PDE4D: variants seen among roughly 807,000 people sequenced by gnomAD.
PDE4D encodes phosphodiesterase 4D.
A neutral mutation model predicts 87.4 loss-of-function variants in PDE4D; 24 were observed. That is an observed-to-expected ratio of 0.27 (90% CI 0.20 to 0.39). The LOEUF (loss-of-function observed/expected upper bound fraction) is 0.39, where lower values mean the gene tolerates loss of function less well. Among genes scored for constraint, PDE4D ranks in the 10% least tolerant of loss-of-function variants. The probability of loss-of-function intolerance (pLI) is 1.00; values close to 1 mark genes in which losing one functional copy is unlikely to be tolerated. For missense variants in PDE4D, 714 were observed against 1,041.0 expected (o/e 0.69, Z 4.32); for synonymous variants, 384 against 383.2 (o/e 1.00, Z -0.02).
At chr5:59,141,641 T>C (rs1051570718) in intron 5 of PDE4D, among the ~76,000 whole-genome samples, 1 of 152,242 alleles carries the variant, frequency 6.6e-6, no homozygotes, top group Non-Finnish European at 1.5e-5. Context: ...ACATCTCTTC[T>C]GTCAAATGAA....
intron 1 of PDE4D, among the ~76,000 whole-genome samples, chr5:59,435,675 C>T (rs1796707949): frequency 1.3e-5 from 2 of 152,208 alleles, no homozygotes; most frequent in African/African-American, 4.8e-5. Flanking sequence ...CTTCTTTGAC[C>T]TTGTAATCCA....
chr5:59,389,853 G>A (rs1020022308), intron 1 of PDE4D, among the ~76,000 whole-genome samples: 2 of 152,118 alleles, frequency 1.3e-5, no homozygotes, highest in Non-Finnish European at 2.9e-5. Context: ...GCTGGGAAGA[G>A]AGAGGTGGGA....
At chr5:60,459,919 T>C (rs1301372231) in intron 1 of PDE4D, 2 of 698,258 alleles carry the variant, frequency 2.9e-6, no homozygotes, top group Admixed American at 2.1e-5. Context: ...TTCATCTTCA[T>C]TGTCTTCTTC....
At chr5:59,409,526 GTGAA>G (rs1792296654) in intron 1 of PDE4D, among the ~76,000 whole-genome samples, 1 of 152,126 alleles carries the variant, frequency 6.6e-6, no homozygotes, top group South Asian at 2.1e-4. Context: ...TGGTGAGTGA[GTGAA>G]TGAGCTCTCT....
chr5:59,876,327 A>G (rs1748603540), intron 1 of PDE4D, among the ~76,000 whole-genome samples: 1 of 152,176 alleles, frequency 6.6e-6, no homozygotes, highest in African/African-American at 2.4e-5. Context: ...GATGGTGATG[A>G]TGATGATGAC....
chr5:60,224,701 T>C (rs1268615157), intron 1 of PDE4D, among the ~76,000 whole-genome samples: 1 of 152,120 alleles, frequency 6.6e-6, no homozygotes, highest in African/African-American at 2.4e-5. Context: ...GCAAAACTTC[T>C]TGTTATCTAG....
At chr5:59,908,218 A>G (rs1479863558) in intron 3 of PDE4D, among the ~76,000 whole-genome samples, 2 of 151,044 alleles carry the variant, frequency 1.3e-5, no homozygotes, top group East Asian at 2.0e-4. Context: ...CCTCAAATGA[A>G]CTATGAAGGC....
At chr5:59,170,881 CTTTT>C (rs1260829199) in intron 5 of PDE4D, among the ~76,000 whole-genome samples, 2 of 138,546 alleles carry the variant, frequency 1.4e-5, no homozygotes, top group African/African-American at 2.6e-5. Flanking sequence ...TATACTTTCA[CTTTT>C]TTTTTTTTTT....
chr5:58,993,328 A>G lies in PDE4D; in HGVS notation c.1015+44T>C, dbSNP rs1561257426. On this transcript the variant is annotated intron_variant, in intron 7 of 14. Coordinates refer to ENST00000340635, the MANE Select transcript of PDE4D (RefSeq NM_001104631.2). Reference sequence around the variant, plus strand: ...AATCCTCCTACAAAAACAAACAAGCAAACAACTGAAGAAAAAAATTTAATT... The same window carrying G: ...AATCCTCCTACAAAAACAAACAAGCGAACAACTGAAGAAAAAAATTTAATT... The G allele has an allele frequency of 2.5e-6, 3 of 1,184,046 alleles. No individual in the cohort carries two copies. In the East Asian group the frequency reaches 7.5e-5, roughly 30 times the overall value. 73.3% of individuals were successfully genotyped at this position (1,184,046 alleles called of 1,614,324 possible). A position where few individuals can be genotyped will look rare whatever the true frequency, so the allele number is the denominator to read the frequency against.
At chr5:59,661,998 G>A (rs1472877833) in intron 1 of PDE4D, among the ~76,000 whole-genome samples, 1 of 152,134 alleles carries the variant, frequency 6.6e-6, no homozygotes, top group Non-Finnish European at 1.5e-5. Context: ...CCCATTGTCT[G>A]GTTAGCCACA....
At chr5:59,152,196 T>C (rs1779569426) in intron 5 of PDE4D, among the ~76,000 whole-genome samples, 1 of 152,182 alleles carries the variant, frequency 6.6e-6, no homozygotes, top group South Asian at 2.1e-4. Flanking sequence ...TTACCTACCT[T>C]ATGTGATCAT....
intron 1 of PDE4D, among the ~76,000 whole-genome samples, chr5:60,263,360 A>C (rs1387066525): frequency 6.6e-6 from 1 of 152,202 alleles, no homozygotes; most frequent in Non-Finnish European, 1.5e-5. Flanking sequence ...AACCGTGACC[A>C]CAGCCTCCAT....
intron 3 of PDE4D, among the ~76,000 whole-genome samples, chr5:59,971,308 G>A (rs1471618220): frequency 2.0e-5 from 3 of 150,044 alleles, no homozygotes; most frequent in South Asian, 2.1e-4. Flanking sequence ...GTATACATAC[G>A]TAACTAACCT....
In PDE4D at chr5:60,375,247, A is replaced by G. The variant is rs1036865604; in HGVS notation, c.-90+112695T>C. 3.9e-5 allele frequency among the ~76,000 whole-genome samples: 6 copies of G among 152,198 alleles called. 1 individual carries two copies. The East Asian group carries it at 5.8e-4, about 15-fold the overall frequency. ...TTGTTTACCCTATGAGGACAGGGAC[A>G]TATCTGTCTCTTTCTCCCCAGCTAC... On this transcript the variant is annotated intron_variant, in intron 1 of 16. Transcript: ENST00000502484.
chr5:60,458,049 T>G (rs1413851473), intron 1 of PDE4D, among the ~76,000 whole-genome samples: 1 of 152,172 alleles, frequency 6.6e-6, no homozygotes, highest in Admixed American at 6.6e-5. Context: ...TATTTTCAAA[T>G]TACCACTTTT....
chr5:59,461,899 T>C (rs1040073525), intron 1 of PDE4D, among the ~76,000 whole-genome samples: 1 of 152,142 alleles, frequency 6.6e-6, no homozygotes, highest in African/African-American at 2.4e-5. Context: ...TTGTCCATTT[T>C]AATAGGTCTT....
Position 59,524,429 on chromosome 5 carries a change from C to T in PDE4D, c.456-308461G>A, listed in dbSNP as rs757134016. Among the ~76,000 whole-genome samples the T allele has an allele frequency of 1.1e-4, 17 of 152,038 alleles. 1 individual carries two copies. Among genetic ancestry groups the T allele is most frequent in the African/African-American group, 9.7e-5 (4 of 41,402 alleles). On this transcript the variant is annotated intron_variant, in intron 1 of 14. Transcript: ENST00000340635. ...GAGGCTGGTGGCATTTTGTCCCTGC[C>T]GTAGAGATCTGTGGAACTGTGAATT...
intron 1 of PDE4D, among the ~76,000 whole-genome samples, chr5:59,536,431 G>A (rs181210937): frequency 6.8e-6 from 1 of 147,774 alleles, no homozygotes; most frequent in African/African-American, 2.5e-5. Flanking sequence ...CGTGAACCCG[G>A]GAGGCGGAGC....
intron 5 of PDE4D, among the ~76,000 whole-genome samples, chr5:59,168,985 C>T (rs1289702859): frequency 6.6e-6 from 1 of 152,074 alleles, no homozygotes; most frequent in Non-Finnish European, 1.5e-5. Context: ...GTGTTTGGTA[C>T]ATTTCAAATG....
Sources: allele counts gnomAD v4.1 joint callset (sites outside exome capture counted in the v4.1 genomes callset), GRCh38; gene constraint gnomAD v4.1.1; transcripts MANE v1.5; gene names NCBI Gene and HGNC (gene_info 2026-07-23, HGNC 2026-07-21).